NCKAP5: variants seen among roughly 807,000 people sequenced by gnomAD.
NCKAP5 encodes the protein NCK associated protein 5, also known as nck-associated protein 5.
In NCKAP5, 92 loss-of-function variants were observed where a neutral mutation model predicts 167.0. That is an observed-to-expected ratio of 0.55 (90% CI 0.47 to 0.66). NCKAP5 has a LOEUF of 0.66. Among genes scored for constraint, NCKAP5 ranks in the 30% least tolerant of loss-of-function variants. The probability of loss-of-function intolerance (pLI) is 0.00; values close to 1 mark genes in which losing one functional copy is unlikely to be tolerated. For synonymous variants in NCKAP5, 891 were observed against 877.4 expected (o/e 1.02, Z -0.27); for missense variants, 2,378 against 2,315.0 (o/e 1.03, Z -0.56).
chr2:133,654,023 G>A, the NCKAP5 span, among the ~76,000 whole-genome samples: 1 of 152,226 alleles, frequency 6.6e-6, no homozygotes, highest in African/African-American at 2.4e-5. Flanking sequence ...TTTAGGGGGA[G>A]TGACTAGACC....
rs79201986 is a variant in NCKAP5 at position 133,096,112 on chromosome 2, A to C, written c.341+33866T>G. ...TCTCTAGAAACTCCATTATAATAAA[A>C]ATGGTTATCCAGGCCTCAAAATGCA... On this transcript the variant is annotated intron_variant, in intron 6 of 19. Transcript: ENST00000409261. Among the ~76,000 whole-genome samples the C allele has an allele frequency of 2.3e-4, 35 of 152,298 alleles. No homozygotes were observed. The East Asian group carries it at 6.0e-3, about 26-fold the overall frequency.
In NCKAP5 at chr2:132,875,877, A is replaced by C. The variant is rs79438005; in HGVS notation, c.648+2971T>G. ...CCTGTTTGTATACAGGTGTGTGCGC[A>C]TGCATTTGTAGGTGTGTGCACTTGT... On this transcript the variant is annotated intron_variant, in intron 9 of 19. Coordinates refer to ENST00000409261, the MANE Select transcript of NCKAP5 (RefSeq NM_207363.3). 8.2e-3 allele frequency among the ~76,000 whole-genome samples: 1,254 copies of C among 152,268 alleles called. 17 individuals are homozygous for C. The highest frequency in any genetic ancestry group is 0.028 in the African/African-American group (1,158 of 41,546).
At chr2:133,549,254 A>C (rs1575141946) in intron 2 of NCKAP5, among the ~76,000 whole-genome samples, 1 of 152,238 alleles carries the variant, frequency 6.6e-6, no homozygotes, top group East Asian at 1.9e-4. Flanking sequence ...CTACAAAGAG[A>C]CTTAGACTCC....
intron 5 of NCKAP5, among the ~76,000 whole-genome samples, chr2:133,183,486 T>C (rs569565838): frequency 2.0e-5 from 3 of 152,048 alleles, no homozygotes; most frequent in Admixed American, 6.6e-5. Context: ...TCAACATCAA[T>C]TGATGTGGGA....
At chr2:133,491,399 G>A (rs1333798164) in intron 3 of NCKAP5, among the ~76,000 whole-genome samples, 1 of 152,160 alleles carries the variant, frequency 6.6e-6, no homozygotes, top group African/African-American at 2.4e-5. Context: ...GGAGCAGAGA[G>A]GTTAAGACCT....
chr2:133,043,864 T>C (rs1251556395), intron 6 of NCKAP5, among the ~76,000 whole-genome samples: 2 of 147,800 alleles, frequency 1.4e-5, no homozygotes, highest in Non-Finnish European at 3.0e-5. Flanking sequence ...AATTCTGTAA[T>C]AGTTTTTTTT....
At chr2:133,302,775 G>A (rs1172310403) in intron 4 of NCKAP5, among the ~76,000 whole-genome samples, 1 of 148,242 alleles carries the variant, frequency 6.7e-6, no homozygotes, top group African/African-American at 2.5e-5. Flanking sequence ...AAAACTTAGA[G>A]TATAATAAAA....
At chr2:133,360,003 TA>T (rs1684991783) in intron 3 of NCKAP5, among the ~76,000 whole-genome samples, 1 of 152,146 alleles carries the variant, frequency 6.6e-6, no homozygotes, top group Admixed American at 6.5e-5. Context: ...CAACAGAAGG[TA>T]AATATCACAC....
At chr2:133,218,835 AACTATTAGG>A (rs1479951360) in intron 4 of NCKAP5, among the ~76,000 whole-genome samples, 2 of 152,176 alleles carry the variant, frequency 1.3e-5, no homozygotes, top group Non-Finnish European at 2.9e-5. Context: ...GGCCTTTATA[AACTATTAGG>A]ACTGTCACAC....
intron 5 of NCKAP5, among the ~76,000 whole-genome samples, chr2:133,173,699 T>C (rs1445885989): frequency 6.6e-6 from 1 of 152,208 alleles, no homozygotes; most frequent in Non-Finnish European, 1.5e-5. Context: ...CTTGCTCCCA[T>C]TGCAATACTC....
At chr2:133,038,866 G>A (rs1487911869) in intron 6 of NCKAP5, among the ~76,000 whole-genome samples, 1 of 152,106 alleles carries the variant, frequency 6.6e-6, no homozygotes, top group African/African-American at 2.4e-5. Flanking sequence ...TGAGTATTAG[G>A]GCATGACATG....
chr2:133,299,437 G>A (rs1680199674), intron 4 of NCKAP5, among the ~76,000 whole-genome samples: 1 of 152,006 alleles, frequency 6.6e-6, no homozygotes, highest in South Asian at 2.1e-4. Flanking sequence ...CTCTCCCCAT[G>A]CCGCAAGGAG....
intron 5 of NCKAP5, among the ~76,000 whole-genome samples, chr2:133,188,014 T>C (rs1457166078): frequency 6.6e-6 from 1 of 152,108 alleles, no homozygotes; most frequent in African/African-American, 2.4e-5. Flanking sequence ...GATCCTGTCA[T>C]CATGATGTTA....
chr2:132,755,579 C>T (rs961369691), intron 16 of NCKAP5, among the ~76,000 whole-genome samples: 3 of 151,968 alleles, frequency 2.0e-5, no homozygotes, highest in Admixed American at 2.0e-4. Flanking sequence ...GCCTGTAATC[C>T]CAGCACTTTG....
intron 5 of NCKAP5, among the ~76,000 whole-genome samples, chr2:133,187,801 C>T (rs994468060): frequency 3.3e-5 from 5 of 151,928 alleles, no homozygotes; most frequent in African/African-American, 9.7e-5. Flanking sequence ...GATTGCAACA[C>T]CTGCTTTTTT....
At chr2:133,576,579 G>T in the NCKAP5 span, among the ~76,000 whole-genome samples, 1 of 152,158 alleles carries the variant, frequency 6.6e-6, no homozygotes, top group African/African-American at 2.4e-5. Context: ...AGAACATTCT[G>T]TGGGTGTCTA....
intron 5 of NCKAP5, among the ~76,000 whole-genome samples, chr2:133,148,317 T>A (rs1179018478): frequency 6.6e-6 from 1 of 152,166 alleles, no homozygotes; most frequent in Non-Finnish European, 1.5e-5. Context: ...GCAGTGCTTA[T>A]GCAAATGAAG....
chr2:133,452,271 A>G (rs888191505), intron 3 of NCKAP5, among the ~76,000 whole-genome samples: 1 of 152,138 alleles, frequency 6.6e-6, no homozygotes, highest in East Asian at 1.9e-4. Flanking sequence ...GAGAATTTGA[A>G]GGACCAAAGC....
At chr2:133,475,027 T>C (rs1283982258) in intron 3 of NCKAP5, among the ~76,000 whole-genome samples, 1 of 152,066 alleles carries the variant, frequency 6.6e-6, no homozygotes, top group African/African-American at 2.4e-5. Flanking sequence ...ACCAGGCTGG[T>C]CTCAAACTCC....
Sources: allele counts gnomAD v4.1 joint callset (sites outside exome capture counted in the v4.1 genomes callset), GRCh38; gene constraint gnomAD v4.1.1; transcripts MANE v1.5; gene names NCBI Gene and HGNC (gene_info 2026-07-23, HGNC 2026-07-21).